LY75: variants seen among roughly 807,000 people sequenced by gnomAD.
LY75 encodes the protein C-type lectin domain family 13 member B.
In LY75, 185 loss-of-function variants were observed where a neutral mutation model predicts 231.7. The observed-to-expected ratio is 0.80, with a 90% CI of 0.71 to 0.90. LY75 has a LOEUF of 0.90. Among genes scored for constraint, LY75 ranks in the 40% least tolerant of loss-of-function variants. LY75 has a pLI of 0.00. For missense variants in LY75, 1,947 were observed against 2,050.2 expected, an observed-to-expected ratio of 0.95 and a Z score of 0.97; for synonymous variants, 668 against 689.0, an observed-to-expected ratio of 0.97 and a Z score of 0.48.
At position 159,852,175 on chromosome 2, in the gene LY75, G is replaced by A. The variant is rs201141938; in HGVS notation, c.2883+26C>T. The A allele has an allele frequency of 2.0e-5, 33 of 1,610,204 alleles. No homozygotes were observed. The African/African-American group carries it at 4.0e-4, about 20-fold the overall frequency. ...AACCAGCATGGAAGCAATCATTGTT[G>A]CATAATGTAGCAATTCTCTTTTTAC... is the stretch of plus-strand genomic sequence containing the variant. On this transcript the variant is annotated intron_variant, in intron 21 of 34. Transcript: ENST00000263636.
intron 14 of LY75, 86 bp downstream of exon 14, chr2:159,864,753 G>C (rs1253402048): frequency 7.8e-7 from 1 of 1,279,296 alleles, no homozygotes; most frequent in African/African-American, 1.5e-5. Flanking sequence ...ATAAATTTTA[G>C]GTGTCAATGT....
At chr2:159,883,725 T>C (rs915200806) in intron 6 of LY75, among the ~76,000 whole-genome samples, 12 of 152,204 alleles carry the variant, frequency 7.9e-5, no homozygotes, top group African/African-American at 2.9e-4. Flanking sequence ...GCTTTTCTAT[T>C]ATGCCTTTTG....
At chr2:159,901,997 A>G (rs1448754319) in intron 1 of LY75, among the ~76,000 whole-genome samples, 1 of 152,252 alleles carries the variant, frequency 6.6e-6, no homozygotes, top group African/African-American at 2.4e-5. Context: ...TAGGTTGAAG[A>G]GCTGGAAGGA....
chr2:159,878,818 T>A (rs1361278839), intron 9 of LY75, 97 bp from the exon 10 acceptor site: 2 of 1,330,242 alleles, frequency 1.5e-6, no homozygotes, highest in African/African-American at 2.9e-5. Context: ...GTCTTAGAAC[T>A]TGTGGAAATT....
At chr2:159,886,581 A>G (rs187861579) in intron 4 of LY75, 51 bp from the exon 5 acceptor site, 29 of 1,533,938 alleles carry the variant, frequency 1.9e-5, no homozygotes, top group South Asian at 2.4e-5. Flanking sequence ...CTAAGTTATT[A>G]TCTAAATTAG....
At chr2:159,882,560 T>G (rs776043106) in intron 6 of LY75, among the ~76,000 whole-genome samples, 6 of 152,206 alleles carry the variant, frequency 3.9e-5, no homozygotes, top group Non-Finnish European at 8.8e-5. Flanking sequence ...GCTATATGGC[T>G]GAGCACAGAC....
intron 27 of LY75, 87 bp from the exon 28 acceptor site, chr2:159,831,873 G>A: frequency 9.6e-7 from 1 of 1,047,016 alleles, no homozygotes. Flanking sequence ...TTAGTTCTCA[G>A]TTTAATATAC....
At chr2:159,850,570 G>C (rs1169112050) in intron 21 of LY75, 103 bp from the exon 22 acceptor site, 1 of 1,446,880 alleles carries the variant, frequency 6.9e-7, no homozygotes, top group Non-Finnish European at 9.3e-7. Flanking sequence ...TTTTCGGTCT[G>C]TGAGATATGG....
rs183910134 is a variant in LY75, at chr2:159,838,643, T to C, written c.3507+2086A>G. On this transcript the variant is annotated intron_variant, in intron 25 of 34. Coordinates refer to ENST00000263636, the MANE Select transcript of LY75 (RefSeq NM_002349.4). ...GGAAATGTAATCACCTATTGTTTCC[T>C]CACAACAGACACAACAAAGCGTTTC... 3.2e-4 allele frequency among the ~76,000 whole-genome samples: 49 copies of C among 152,328 alleles called. No individual in the cohort carries two copies. In the East Asian group the frequency reaches 8.1e-3, roughly 25 times the overall value.
rs1302854965 is a variant in LY75 at position 159,854,386 on chromosome 2, T to C, written c.2569A>G (p.Lys857Glu). 6.7e-7 allele frequency: 1 copy of C among 1,497,460 alleles called. No individual in the cohort carries two copies. Among genetic ancestry groups the C allele is most frequent in the South Asian group, 1.5e-5 (1 of 67,580 alleles). The allele number at this position is 1,497,460 out of a possible 1,614,324, so 92.8% of individuals were successfully genotyped here. A position where few individuals can be genotyped will look rare whatever the true frequency, so the allele number is the denominator to read the frequency against. ...TTTGCTATTTTGTTTTTGATGGCTT[T>C]TAGTCCCACAAAAGATGTTATAGTT... ...LATITSFVGL[K>E]AIKNKIANIS... is the part of the protein sequence containing the mutation. Residue 857 changes from lysine (K) to glutamate (E), a missense_variant, in exon 18 of 35, where the codon AAA becomes GAA. Lys to Glu is a moderately conservative substitution (Grantham distance 56). Transcript: ENST00000263636.
chr2:159,808,072 A>C (rs1682840704), intron 33 of LY75: 1 of 983,092 alleles, frequency 1.0e-6, no homozygotes. Flanking sequence ...ACGAAGTTAT[A>C]AGCTGCAAAT....
At chr2:159,882,538 A>C (rs984067570) in intron 6 of LY75, among the ~76,000 whole-genome samples, 1 of 152,208 alleles carries the variant, frequency 6.6e-6, no homozygotes. Context: ...TGACTTTAAC[A>C]TGCTTCAATG....
In LY75 at chr2:159,875,512, A is replaced by T; in HGVS notation, c.1906T>A (p.Ser636Thr). ...MSGPLGPEEA[S>T]PKPDDPCPEG... ...GGACAGGGGTCATCAGGCTTAGGGGATGCTTCTTCAGGCCCAAGGGGTCCA... is the reference window on the plus strand; with the variant it reads ...GGACAGGGGTCATCAGGCTTAGGGGTTGCTTCTTCAGGCCCAAGGGGTCCA... The change falls in exon 12 of 35, where the codon TCC (serine) becomes ACC (threonine). Residue 636 changes from serine to threonine, a missense_variant. Ser to Thr is a moderately conservative substitution (Grantham distance 58, BLOSUM62 1). Transcript: ENST00000263636. 3 of 1,614,066 alleles carry T rather than the reference A, an allele frequency of 1.9e-6. No individual in the cohort carries two copies. The highest frequency in any genetic ancestry group is 2.5e-6 in the Non-Finnish European group (3 of 1,179,984).
chr2:159,880,457 T>G lies in LY75; in HGVS notation c.1404+626A>C, dbSNP rs78038324. Among the ~76,000 whole-genome samples, 2,425 of 152,276 alleles carry G rather than the reference T, an allele frequency of 0.016. 111 individuals carry two copies. The East Asian group carries it at 0.16, about 10-fold the overall frequency. ...TTAAATTGTGGCTATCTGCCGAATA[T>G]CACACTGATGGCAGAAAGGTGGGTG... On this transcript the variant is annotated intron_variant, in intron 8 of 34. Transcript: ENST00000263636.
At chr2:159,862,747 A>G (rs1294641411) in intron 14 of LY75, among the ~76,000 whole-genome samples, 1 of 152,194 alleles carries the variant, frequency 6.6e-6, no homozygotes, top group East Asian at 1.9e-4. Context: ...GTATATATAC[A>G]TTGTGGACTG....
Position 159,877,778 on chromosome 2 carries a change from A to G in LY75, c.1774+546T>C, listed in dbSNP as rs181547090. ...CAGCTACTTGGGAGGCTGAGGCAGA[A>G]GAATCACTTGAACCTGGGAGGCAGA... On this transcript the variant is annotated intron_variant, in intron 11 of 34. Transcript: ENST00000263636. Among the ~76,000 whole-genome samples, 837 of 152,252 alleles carry G rather than the reference A, an allele frequency of 5.5e-3. 6 individuals carry two copies. The highest frequency in any genetic ancestry group is 9.6e-3 in the Non-Finnish European group (656 of 68,010).
intron 13 of LY75, among the ~76,000 whole-genome samples, chr2:159,867,881 T>C (rs1204214599): frequency 6.6e-6 from 1 of 152,194 alleles, no homozygotes; most frequent in South Asian, 2.1e-4. Context: ...TGGTGCACCA[T>C]GAATCCTTTT....
chr2:159,807,273 A>G, intron 33 of LY75, 133 bp from the exon 34 acceptor site: 1 of 1,114,778 alleles, frequency 9.0e-7, no homozygotes, highest in South Asian at 1.8e-5. Context: ...TGCATTAAAA[A>G]TGAAAAAAAT....
rs1165260979 is a variant in LY75 at position 159,894,005 on chromosome 2, A to C, written c.546T>G (p.Asp182Glu). ...PFLIDGTWHH[D>E]CILDEDHSGP... is the part of the protein sequence containing the mutation. ...CACTATGATCTTCATCAAGAATGCA[A>C]TCATGATGCCAGGTCCCATCAATTA... The change falls in exon 3 of 35, where the codon GAT (aspartate) becomes GAG (glutamate). Residue 182 changes from aspartate to glutamate, a missense_variant. Physicochemically the swap from Asp to Glu is conservative, Grantham distance 45. Transcript: ENST00000263636. 21 of 1,613,866 alleles carry C rather than the reference A, an allele frequency of 1.3e-5. No individual in the cohort carries two copies. The highest frequency in any genetic ancestry group is 1.8e-5 in the Non-Finnish European group (21 of 1,179,904).
Sources: gnomAD v4.1 joint callset for allele counts (sites outside exome capture counted in the v4.1 genomes callset) on GRCh38, gnomAD v4.1.1 for gene constraint, MANE v1.5 for transcripts, NCBI Gene and HGNC (gene_info 2026-07-23, HGNC 2026-07-21) for gene names.